The following AMBRA1 variants were observed in gnomAD, a reference collection of about 807,000 sequenced individuals.
AMBRA1 encodes autophagy and beclin 1 regulator 1.
Under a neutral mutation model 125.4 loss-of-function variants are expected in AMBRA1, and 47 were observed. That is an observed-to-expected ratio of 0.37 (90% CI 0.30 to 0.48). The LOEUF (loss-of-function observed/expected upper bound fraction) is 0.48, where lower values mean the gene tolerates loss of function less well. Ranked by LOEUF, AMBRA1 falls within the 20% of genes least tolerant of loss-of-function variation. The probability of loss-of-function intolerance (pLI) is 0.99; values close to 1 mark genes in which losing one functional copy is unlikely to be tolerated. For synonymous variants in AMBRA1, 626 were observed against 655.5 expected (o/e 0.95, Z 0.69); for missense variants, 1,331 against 1,693.4 (o/e 0.79, Z 3.76).
chr11:46,511,445 T>G (rs1951253518), intron 8 of AMBRA1, among the ~76,000 whole-genome samples: 1 of 152,202 alleles, frequency 6.6e-6, no homozygotes, highest in South Asian at 2.1e-4. Flanking sequence ...GAAAGAATGC[T>G]CAGTGTCATG....
chr11:46,557,776 C>T (rs2043202852), intron 1 of AMBRA1, among the ~76,000 whole-genome samples: 1 of 152,184 alleles, frequency 6.6e-6, no homozygotes, highest in South Asian at 2.1e-4. Flanking sequence ...CCACCACACT[C>T]CAGCCTGGGT....
Position 46,543,138 on chromosome 11 carries a change from C to A in AMBRA1, c.879G>T (p.Arg293=). ...AGCACTCAGCTGTGGGGTAACTGAC[C>A]CGCTGTCGGAGCCTGATGTAAGCGG... ...RTSAYIRLRQ[R]VSYPTAECCQ... The change falls in exon 7 of 18, where the codon CGG becomes CGT. Residue 293 remains arginine (R), a synonymous_variant. Coordinates refer to ENST00000683756, the MANE Select transcript of AMBRA1 (RefSeq NM_001387011.1). The A allele has an allele frequency of 6.4e-7, 1 of 1,566,426 alleles. No homozygotes were observed. Among genetic ancestry groups the A allele is most frequent in the South Asian group, 1.1e-5 (1 of 87,450 alleles).
intron 11 of AMBRA1, among the ~76,000 whole-genome samples, chr11:46,486,970 G>A (rs1950290869): frequency 6.6e-6 from 1 of 151,424 alleles, no homozygotes; most frequent in Non-Finnish European, 1.5e-5. Flanking sequence ...TAAAAGAGAT[G>A]AGAGGGGCCA....
chr11:46,546,388 T>C (rs1953019991), intron 4 of AMBRA1, among the ~76,000 whole-genome samples: 1 of 152,070 alleles, frequency 6.6e-6, no homozygotes, highest in Admixed American at 6.5e-5. Context: ...GTGCACAACA[T>C]GGTGCAAGAC....
chr11:46,530,371 G>A (rs936033474), intron 7 of AMBRA1, among the ~76,000 whole-genome samples: 4 of 152,194 alleles, frequency 2.6e-5, no homozygotes, highest in Admixed American at 6.5e-5. Flanking sequence ...ACCTGCACTG[G>A]GAGAAGGGCT....
chr11:46,484,359 A>G (rs753071339), intron 11 of AMBRA1, among the ~76,000 whole-genome samples: 11 of 152,212 alleles, frequency 7.2e-5, no homozygotes, highest in Non-Finnish European at 1.6e-4. Context: ...AAGTAAAAGA[A>G]TTCTGGCATT....
intron 17 of AMBRA1, among the ~76,000 whole-genome samples, chr11:46,402,845 C>G (rs1372977823): frequency 6.6e-6 from 1 of 152,196 alleles, no homozygotes; most frequent in Admixed American, 6.5e-5. Flanking sequence ...ATGGCTCCCC[C>G]AGGGCTCGGT....
intron 11 of AMBRA1, among the ~76,000 whole-genome samples, chr11:46,484,000 A>C (rs1050993198): frequency 2.8e-4 from 43 of 152,198 alleles, no homozygotes; most frequent in African/African-American, 9.9e-4. Flanking sequence ...AGTAGATGGG[A>C]CAGTAAAGAG....
intron 7 of AMBRA1, among the ~76,000 whole-genome samples, chr11:46,541,266 G>C (rs1410822265): frequency 2.0e-5 from 3 of 152,164 alleles, no homozygotes; most frequent in Non-Finnish European, 2.9e-5. Flanking sequence ...TGAGTATGGA[G>C]AGTCTTTCCT....
intron 1 of AMBRA1, among the ~76,000 whole-genome samples, chr11:46,556,206 T>C (rs1442343500): frequency 2.6e-5 from 4 of 152,208 alleles, no homozygotes; most frequent in Non-Finnish European, 5.9e-5. Context: ...TTTTTATTAA[T>C]AGGACTTTCC....
chr11:46,510,349 G>C (rs1951209075), intron 8 of AMBRA1, among the ~76,000 whole-genome samples: 1 of 152,194 alleles, frequency 6.6e-6, no homozygotes, highest in Non-Finnish European at 1.5e-5. Flanking sequence ...ACCAACAGAA[G>C]TCGATGTTCG....
chr11:46,526,780 G>T (rs1236511387), intron 7 of AMBRA1, among the ~76,000 whole-genome samples: 2 of 152,096 alleles, frequency 1.3e-5, no homozygotes, highest in African/African-American at 2.4e-5. Context: ...AAGTCACTAA[G>T]TTTTGGAGTA....
intron 11 of AMBRA1, among the ~76,000 whole-genome samples, chr11:46,448,766 C>G (rs1486862624): frequency 2.0e-5 from 3 of 152,164 alleles, no homozygotes; most frequent in African/African-American, 7.2e-5. Flanking sequence ...GGGGCCATCA[C>G]TACTGATCCC....
intron 7 of AMBRA1, among the ~76,000 whole-genome samples, chr11:46,517,659 C>T (rs929920793): frequency 6.7e-6 from 1 of 148,590 alleles, no homozygotes; most frequent in Non-Finnish European, 1.5e-5. Flanking sequence ...ATGGTGAAAC[C>T]ATGTCTCTAC....
intron 1 of AMBRA1, among the ~76,000 whole-genome samples, chr11:46,571,404 AG>A (rs1297780945): frequency 1.3e-5 from 2 of 152,194 alleles, no homozygotes; most frequent in Non-Finnish European, 2.9e-5. Context: ...GCCATATTAC[AG>A]TGGTTCACTT....
At chr11:46,478,631 G>GT (rs1045213342) in intron 11 of AMBRA1, among the ~76,000 whole-genome samples, 16 of 124,568 alleles carry the variant, frequency 1.3e-4, no homozygotes, top group Non-Finnish European at 1.7e-4. Flanking sequence ...GATATTTCTT[G>GT]TTTTTTTCTT....
chr11:46,430,525 T>G (rs1947406290), intron 14 of AMBRA1, among the ~76,000 whole-genome samples: 1 of 152,240 alleles, frequency 6.6e-6, no homozygotes, highest in Non-Finnish European at 1.5e-5. Flanking sequence ...AACCACAGTT[T>G]GAGAAGCACT....
chr11:46,432,853 G>C (rs1947519607), intron 14 of AMBRA1, among the ~76,000 whole-genome samples: 2 of 152,190 alleles, frequency 1.3e-5, no homozygotes, highest in Admixed American at 1.3e-4. Context: ...AGCACCTATG[G>C]GACGTGGGAC....
At chr11:46,510,155 A>G (rs1025367466) in intron 8 of AMBRA1, among the ~76,000 whole-genome samples, 7 of 152,230 alleles carry the variant, frequency 4.6e-5, no homozygotes, top group African/African-American at 1.7e-4. Context: ...GTGAACACCA[A>G]CGAGTCAATA....
Sources: allele counts gnomAD v4.1 joint callset (sites outside exome capture counted in the v4.1 genomes callset), GRCh38; gene constraint gnomAD v4.1.1; transcripts MANE v1.5; gene names NCBI Gene and HGNC (gene_info 2026-07-23, HGNC 2026-07-21).